Variants in VWA8 observed in about 807,000 individuals in gnomAD.
VWA8 encodes the protein von Willebrand factor A domain containing 8, also known as von Willebrand factor A domain-containing protein 8.
VWA8 carries 221 observed loss-of-function variants against 241.5 expected under a neutral mutation model. The ratio of observed to expected loss-of-function variants is 0.91; its 90% CI spans 0.82 to 1.02. The LOEUF (loss-of-function observed/expected upper bound fraction) is 1.02. Among genes scored for constraint, VWA8 ranks in the 50% least tolerant of loss-of-function variants. The pLI is 0.00. For synonymous variants in VWA8, 852 were observed against 827.1 expected, an observed-to-expected ratio of 1.03 and a Z score of -0.52; for missense variants, 2,322 against 2,328.7, an observed-to-expected ratio of 1.00 and a Z score of 0.06.
chr13:41,918,185 C>T (rs1876348080), intron 2 of VWA8, among the ~76,000 whole-genome samples: 1 of 152,018 alleles, frequency 6.6e-6, no homozygotes, highest in African/African-American at 2.4e-5. Flanking sequence ...TTGAAGACAT[C>T]AAAAGAAAAA....
intron 24 of VWA8, among the ~76,000 whole-genome samples, chr13:41,724,553 C>G (rs894644975): frequency 2.0e-5 from 3 of 152,104 alleles, no homozygotes; most frequent in Non-Finnish European, 4.4e-5. Flanking sequence ...GAACAGTTTA[C>G]CTGCAACAAG....
intron 14 of VWA8, among the ~76,000 whole-genome samples, chr13:41,821,343 G>A (rs781043892): frequency 2.0e-5 from 3 of 152,126 alleles, no homozygotes; most frequent in Non-Finnish European, 4.4e-5. Context: ...AACAGTCACC[G>A]AACTACTGAA....
At chr13:41,783,255 T>C (rs1470835871) in intron 19 of VWA8, among the ~76,000 whole-genome samples, 1 of 149,104 alleles carries the variant, frequency 6.7e-6, no homozygotes. Context: ...ACTTAATATA[T>C]ATAAAATTTA....
intron 2 of VWA8, among the ~76,000 whole-genome samples, chr13:41,940,313 T>C (rs994569221): frequency 6.6e-6 from 1 of 152,118 alleles, no homozygotes; most frequent in African/African-American, 2.4e-5. Flanking sequence ...AAAGCAATAA[T>C]CTTTTTAGAA....
intron 35 of VWA8, among the ~76,000 whole-genome samples, chr13:41,684,171 G>C (rs771155885): frequency 1.8e-4 from 28 of 152,110 alleles, no homozygotes; most frequent in Non-Finnish European, 3.5e-4. Context: ...AGGAAATGGT[G>C]ATTTATTTTC....
intron 23 of VWA8, among the ~76,000 whole-genome samples, chr13:41,729,275 T>G (rs939900242): frequency 7.9e-5 from 12 of 151,934 alleles, no homozygotes; most frequent in African/African-American, 2.9e-4. Context: ...GGGTTATACG[T>G]TGGTATGTCA....
At chr13:41,646,410 A>G (rs1033444841) in intron 37 of VWA8, among the ~76,000 whole-genome samples, 3 of 152,200 alleles carry the variant, frequency 2.0e-5, no homozygotes, top group Non-Finnish European at 4.4e-5. Context: ...GGCATTTTAA[A>G]TATACTACTT....
rs2044294171 is a variant in VWA8, at chr13:41,570,586, C to T, written c.5491G>A (p.Asp1831Asn). 1 of 1,614,200 alleles carries T rather than the reference C, an allele frequency of 6.2e-7. No homozygotes were observed. The highest frequency in any genetic ancestry group is 8.5e-7 in the Non-Finnish European group (1 of 1,180,032). The change falls in exon 44 of 45, where the codon GAT becomes AAT. Residue 1831 changes from aspartate to asparagine, a missense_variant. By Grantham distance (23) the Asp-to-Asn change is conservative. Coordinates refer to ENST00000379310, the MANE Select transcript of VWA8 (RefSeq NM_015058.2). ...ATTCCATATCGTGACAGATTTGCAT[C>T]ACTCAAGACTATGACAAAGTACTCA... ...ADEYFVIVLS[D>N]ANLSRYGIHP...
chr13:41,943,528 A>G (rs1005321245), intron 2 of VWA8, among the ~76,000 whole-genome samples: 3 of 152,200 alleles, frequency 2.0e-5, no homozygotes, highest in Non-Finnish European at 4.4e-5. Flanking sequence ...TAATCAATAA[A>G]TTATGTGTAA....
rs1593780849 is a variant in VWA8, at chr13:41,800,810, A to AAC, written c.2063+10414_2063+10415insGT. 2.7e-5 allele frequency among the ~76,000 whole-genome samples: 4 copies of AAC among 150,240 alleles called. 1 individual carries two copies. Among genetic ancestry groups the AAC allele is most frequent in the Non-Finnish European group, 1.5e-5 (1 of 67,600 alleles). On this transcript the variant is annotated intron_variant, in intron 17 of 44. Transcript: ENST00000379310. ...TCCATCTCCAAAAAAAAAAAAAAAA[A>AAC]CACCGTGTTTTAGAAGAGATCCATT...
chr13:41,724,370 TTG>T (rs369228583), intron 24 of VWA8, among the ~76,000 whole-genome samples: 1 of 151,288 alleles, frequency 6.6e-6, no homozygotes, highest in African/African-American at 2.4e-5. Flanking sequence ...ATTAAGAGGT[TTG>T]TGTGTGTGTG....
At chr13:41,637,274 G>A (rs955592664) in intron 37 of VWA8, among the ~76,000 whole-genome samples, 3 of 151,476 alleles carry the variant, frequency 2.0e-5, no homozygotes, top group African/African-American at 7.3e-5. Context: ...GGACATGGAT[G>A]AAGCTGGAAA....
At chr13:41,740,350 C>T (rs1056465676) in intron 21 of VWA8, among the ~76,000 whole-genome samples, 2 of 152,124 alleles carry the variant, frequency 1.3e-5, no homozygotes, top group Non-Finnish European at 2.9e-5. Flanking sequence ...ATTTTGAAAG[C>T]TATTCCATAA....
At chr13:41,613,590 C>T (rs1203648079) in intron 38 of VWA8, among the ~76,000 whole-genome samples, 8 of 152,142 alleles carry the variant, frequency 5.3e-5, no homozygotes, top group East Asian at 1.9e-4. Context: ...CCACCTGAGT[C>T]GCAGGGCCCC....
intron 12 of VWA8, among the ~76,000 whole-genome samples, chr13:41,851,872 T>G (rs1210286501): frequency 6.6e-6 from 1 of 152,218 alleles, no homozygotes; most frequent in African/African-American, 2.4e-5. Context: ...TTGGCTATTA[T>G]GAATATGCCA....
chr13:41,752,535 G>T (rs879625978), intron 21 of VWA8, among the ~76,000 whole-genome samples: 3 of 152,102 alleles, frequency 2.0e-5, no homozygotes, highest in Non-Finnish European at 4.4e-5. Context: ...GATATTAGGC[G>T]AATGAATTAA....
At chr13:41,852,747 T>C (rs1355012601) in intron 12 of VWA8, among the ~76,000 whole-genome samples, 2 of 152,176 alleles carry the variant, frequency 1.3e-5, no homozygotes, top group Non-Finnish European at 1.5e-5. Flanking sequence ...TAGGCTCCTT[T>C]GTTGAAAACT....
At chr13:41,927,946 A>T (rs1179925826) in intron 2 of VWA8, among the ~76,000 whole-genome samples, 1 of 152,210 alleles carries the variant, frequency 6.6e-6, no homozygotes, top group Non-Finnish European at 1.5e-5. Context: ...AGAAAGCATG[A>T]ATGGCTATAC....
At chr13:41,832,919 T>C (rs976893649) in intron 13 of VWA8, among the ~76,000 whole-genome samples, 1 of 151,616 alleles carries the variant, frequency 6.6e-6, no homozygotes, top group African/African-American at 2.4e-5. Context: ...TTATATATTT[T>C]ACAAACAAAA....
Sources: gnomAD v4.1 joint callset for allele counts (sites outside exome capture counted in the v4.1 genomes callset) on GRCh38, gnomAD v4.1.1 for gene constraint, MANE v1.5 for transcripts, NCBI Gene and HGNC (gene_info 2026-07-23, HGNC 2026-07-21) for gene names.